The following MTA1 variants were observed in gnomAD, a reference collection of about 807,000 sequenced individuals.
MTA1 encodes the protein metastasis-associated protein MTA1.
MTA1 carries 15 observed loss-of-function variants against 97.0 expected under a neutral mutation model. The ratio of observed to expected loss-of-function variants is 0.15; its 90% confidence interval spans 0.10 to 0.24. The LOEUF is 0.24. MTA1 is among the 10% of genes least tolerant of loss of function. The pLI is 1.00. For synonymous variants in MTA1, 435 were observed against 417.5 expected (o/e 1.04, Z -0.51); for missense variants, 709 against 1,015.1 (o/e 0.70, Z 4.10).
chr14:105,428,566 C>T (rs1555422737), intron 1 of MTA1, among the ~76,000 whole-genome samples: 2 of 152,140 alleles, frequency 1.3e-5, no homozygotes, highest in East Asian at 3.8e-4. Flanking sequence ...CCATGCCCAG[C>T]CTTATAGTAA....
At chr14:105,439,968 C>A in intron 2 of MTA1, among the ~76,000 whole-genome samples, 1 of 152,208 alleles carries the variant, frequency 6.6e-6, no homozygotes, top group Admixed American at 6.5e-5. Context: ...CCATGCTGGG[C>A]TCCGGGCTTC....
chr14:105,462,459 C>G (rs113276758), intron 10 of MTA1, among the ~76,000 whole-genome samples: 38 of 152,066 alleles, frequency 2.5e-4, no homozygotes, highest in South Asian at 1.7e-3. Context: ...GTCCCAGCTA[C>G]TCGGGAGACA....
At position 105,450,217 on chromosome 14, in the gene MTA1, C is replaced by T. The variant is rs376396507; in HGVS notation, c.368+33C>T. ...CCAGCAGCTCCCGCCCTGGGCCCCT[C>T]GGGCTGCCCTCGCCTTTCCAGCCTG... On this transcript the variant is annotated intron_variant, in intron 5 of 20. Coordinates refer to ENST00000331320, the MANE Select transcript of MTA1 (RefSeq NM_004689.4). 2.4e-5 allele frequency: 39 copies of T among 1,611,094 alleles called. No homozygotes were observed. In the East Asian group the frequency reaches 2.5e-4, roughly 10 times the overall value.
At chr14:105,447,136 A>G (rs1181597298) in intron 3 of MTA1, among the ~76,000 whole-genome samples, 1 of 152,116 alleles carries the variant, frequency 6.6e-6, no homozygotes, top group Non-Finnish European at 1.5e-5. Context: ...AGGCTGGCCT[A>G]TGTCGACTCT....
intron 6 of MTA1, among the ~76,000 whole-genome samples, chr14:105,451,098 G>A (rs782489040): frequency 4.6e-5 from 7 of 152,178 alleles, no homozygotes; most frequent in Non-Finnish European, 8.8e-5. Flanking sequence ...CACCCCCAGC[G>A]TGTCCAGTCA....
Position 105,467,139 on chromosome 14 carries a change from G to GTC in MTA1, c.1813+399_1813+400dup. The GTC allele has an allele frequency of 1.6e-5, 6 of 379,120 alleles. 1 individual carries two copies. Among genetic ancestry groups the GTC allele is most frequent in the South Asian group, 4.3e-5 (2 of 46,450 alleles). The allele number at this position is 379,120 out of a possible 1,614,324, so 23.5% of individuals were successfully genotyped here. ...GACAGTGGGGAGGGTGGTCGGGGGT[G>GTC]TCTGTGTGGGCCGTGGGCAACTGAG... On this transcript the variant is annotated intron_variant, in intron 18 of 20. Coordinates refer to ENST00000331320, the MANE Select transcript of MTA1 (RefSeq NM_004689.4).
At position 105,419,896 on chromosome 14, in the gene MTA1, C is replaced by T. The variant is rs1277196565; in HGVS notation, c.-140C>T. The T allele has an allele frequency of 1.4e-5, 3 of 221,508 alleles. No individual in the cohort carries two copies. The highest frequency in any genetic ancestry group is 2.2e-5 in the Non-Finnish European group (3 of 133,936). 13.7% of individuals were successfully genotyped at this position (221,508 alleles called of 1,614,324 possible). The stretch of plus-strand genomic sequence containing the variant: ...GCCTCGGCGGCCTCGGCGGCGGCGG[C>T]GGCGGCGGCGGCGGCAGCAGCGCGG... On this transcript the variant is annotated 5_prime_UTR_variant, in exon 1 of 21. Coordinates refer to ENST00000331320, the MANE Select transcript of MTA1 (RefSeq NM_004689.4).
In MTA1 at chr14:105,424,383, T is replaced by C. The variant is rs1292535316; in HGVS notation, c.28+4320T>C. The stretch of plus-strand genomic sequence containing the variant: ...TAATGTTTTGTAATTTTTTTTTTTT[T>C]GTAGAGACGGGGTTTCACTGTGTTA... On this transcript the variant is annotated intron_variant, in intron 1 of 20. Transcript: ENST00000331320. This position sits in a 1 kb window ranked among gnomAD's most constrained non-coding sequence, Gnocchi z 4.0. Among the ~76,000 whole-genome samples, 5 of 152,048 alleles carry C rather than the reference T, an allele frequency of 3.3e-5. No individual in the cohort carries two copies. Among genetic ancestry groups the C allele is most frequent in the Admixed American group, 6.5e-5 (1 of 15,272 alleles).
chr14:105,429,314 C>CT (rs1293944287), intron 1 of MTA1, among the ~76,000 whole-genome samples: 2 of 152,228 alleles, frequency 1.3e-5, no homozygotes, highest in African/African-American at 4.8e-5. Flanking sequence ...GAGATGAAGT[C>CT]TTGCTCTGTC....
At chr14:105,452,566 C>G (rs2082985408) in intron 6 of MTA1, among the ~76,000 whole-genome samples, 1 of 152,296 alleles carries the variant, frequency 6.6e-6, no homozygotes, top group African/African-American at 2.4e-5. Context: ...TACTGTTGTC[C>G]CAGCTACTCA....
At chr14:105,446,505 C>A (rs1284586633) in intron 3 of MTA1, among the ~76,000 whole-genome samples, 7 of 152,144 alleles carry the variant, frequency 4.6e-5, no homozygotes, top group African/African-American at 1.7e-4. Context: ...AGGACCCTCG[C>A]ATCTTCTGCC....
At chr14:105,429,515 G>A (rs1181390480) in intron 1 of MTA1, among the ~76,000 whole-genome samples, 2 of 149,368 alleles carry the variant, frequency 1.3e-5, no homozygotes, top group Non-Finnish European at 3.0e-5. Flanking sequence ...GCAGTGGCAC[G>A]ATCTCGGCTC....
intron 4 of MTA1, among the ~76,000 whole-genome samples, 156 bp downstream of exon 4, chr14:105,449,565 G>C (rs1232602029): frequency 6.6e-6 from 1 of 152,204 alleles, no homozygotes; most frequent in Non-Finnish European, 1.5e-5. Flanking sequence ...CCTTGTGTCC[G>C]GCCCACGGCC....
At chr14:105,433,431 G>A (rs1224576532) in intron 1 of MTA1, among the ~76,000 whole-genome samples, 2 of 152,200 alleles carry the variant, frequency 1.3e-5, no homozygotes, top group Non-Finnish European at 2.9e-5. Flanking sequence ...TCTCTGAGGT[G>A]GCCTGAGGCC....
At chr14:105,425,174 C>T (rs587678419) in intron 1 of MTA1, among the ~76,000 whole-genome samples, 1 of 152,370 alleles carries the variant, frequency 6.6e-6, no homozygotes, top group South Asian at 2.1e-4. Context: ...GGGCTGAGTC[C>T]TGCTAGGGAG....
At chr14:105,465,034 G>A (rs1481699365) in intron 15 of MTA1, 60 bp from the exon 16 acceptor site, 2 of 1,452,520 alleles carry the variant, frequency 1.4e-6, no homozygotes, top group Non-Finnish European at 1.8e-6. Context: ...TCAAGGCGCA[G>A]GCAGGGTCCC....
chr14:105,447,104 G>A (rs1367822012), intron 3 of MTA1, among the ~76,000 whole-genome samples: 2 of 152,260 alleles, frequency 1.3e-5, no homozygotes, highest in African/African-American at 2.4e-5. Context: ...TCAGCAGCAC[G>A]GCTGGCGGTT....
At chr14:105,460,741 T>TG in intron 9 of MTA1, 24 bp from the exon 10 acceptor site, 1 of 1,542,828 alleles carries the variant, frequency 6.5e-7, no homozygotes, top group Admixed American at 2.0e-5. Context: ...TTGGCCCGGG[T>TG]GACCCTGCTG....
chr14:105,470,029 C>T, intron 20 of MTA1, 36 bp from the exon 21 acceptor site: 2 of 1,612,578 alleles, frequency 1.2e-6, no homozygotes, highest in Non-Finnish European at 1.7e-6. Flanking sequence ...GGGCTCCGCA[C>T]AGCGTCCCGG....
Sources: gnomAD v4.1 joint callset for allele counts (sites outside exome capture counted in the v4.1 genomes callset) on GRCh38, gnomAD v4.1.1 for gene constraint, Gnocchi (gnomAD v3.1) non-coding constraint, MANE v1.5 for transcripts, NCBI Gene and HGNC (gene_info 2026-07-23, HGNC 2026-07-21) for gene names.